The following GALNTL6 variants were observed in gnomAD, a reference collection of about 807,000 sequenced individuals.
GALNTL6 encodes polypeptide N-acetylgalactosaminyltransferase like 6, also known as polypeptide N-acetylgalactosaminyltransferase-like 6.
In GALNTL6, 46 loss-of-function variants were observed where a neutral mutation model predicts 73.7. That is an observed-to-expected ratio of 0.62 (90% CI 0.49 to 0.80). GALNTL6 has a LOEUF of 0.80. Ranked by LOEUF, GALNTL6 falls within the 30% of genes least tolerant of loss-of-function variation. The pLI, the probability that GALNTL6 is intolerant of heterozygous loss-of-function variation, is 0.00. For synonymous variants in GALNTL6, 259 were observed against 263.7 expected, an observed-to-expected ratio of 0.98 and a Z score of 0.17; for missense variants, 604 against 755.0, an observed-to-expected ratio of 0.80 and a Z score of 2.34.
intron 3 of GALNTL6, among the ~76,000 whole-genome samples, chr4:172,273,710 A>T (rs1379885596): frequency 2.0e-5 from 3 of 152,184 alleles, no homozygotes; most frequent in Non-Finnish European, 4.4e-5. Flanking sequence ...GTCATTGGAG[A>T]TATGAAACGA....
At chr4:172,599,209 G>C (rs1269944744) in intron 5 of GALNTL6, among the ~76,000 whole-genome samples, 2 of 152,126 alleles carry the variant, frequency 1.3e-5, no homozygotes, top group Non-Finnish European at 2.9e-5. Flanking sequence ...TAGTTGCAAT[G>C]AATCTGTGAC....
intron 5 of GALNTL6, among the ~76,000 whole-genome samples, chr4:172,786,884 G>A (rs754217479): frequency 6.6e-6 from 1 of 152,150 alleles, no homozygotes; most frequent in East Asian, 1.9e-4. Flanking sequence ...AGTAGACTGA[G>A]CCATGTCAAG....
intron 2 of GALNTL6, among the ~76,000 whole-genome samples, chr4:171,977,399 T>G (rs1739753551): frequency 6.6e-6 from 1 of 152,214 alleles, no homozygotes; most frequent in Admixed American, 6.5e-5. Flanking sequence ...AACAGAATTT[T>G]ATTCTTTCAC....
intron 2 of GALNTL6, among the ~76,000 whole-genome samples, chr4:172,074,206 G>T (rs961748245): frequency 4.6e-5 from 7 of 152,114 alleles, no homozygotes; most frequent in African/African-American, 1.4e-4. Flanking sequence ...TTGACATGAA[G>T]AAAAATTTAG....
At chr4:172,650,757 A>G (rs1292904208) in intron 5 of GALNTL6, among the ~76,000 whole-genome samples, 3 of 152,216 alleles carry the variant, frequency 2.0e-5, no homozygotes, top group Non-Finnish European at 4.4e-5. Flanking sequence ...CAGTATTTCC[A>G]AAAAAGAAAA....
At chr4:172,751,447 C>T (rs570176637) in intron 5 of GALNTL6, among the ~76,000 whole-genome samples, 1 of 152,254 alleles carries the variant, frequency 6.6e-6, no homozygotes, top group Admixed American at 6.5e-5. Flanking sequence ...ATATCACCAA[C>T]TATTTCACTA....
chr4:172,788,419 T>G (rs137960273), intron 5 of GALNTL6, among the ~76,000 whole-genome samples: 26 of 152,046 alleles, frequency 1.7e-4, no homozygotes, highest in African/African-American at 6.0e-4. Context: ...ACACCTGTAA[T>G]CACAGCACTT....
intron 2 of GALNTL6, among the ~76,000 whole-genome samples, chr4:171,924,112 G>A (rs1454072444): frequency 6.6e-6 from 1 of 151,012 alleles, no homozygotes; most frequent in East Asian, 2.0e-4. Context: ...AGGCAAAATG[G>A]TCCCTGCTCT....
At chr4:171,954,349 T>A (rs973980525) in intron 2 of GALNTL6, among the ~76,000 whole-genome samples, 1 of 152,166 alleles carries the variant, frequency 6.6e-6, no homozygotes. Context: ...TAAAAACACA[T>A]AATCATGATG....
At chr4:172,645,739 A>T (rs1186271685) in intron 5 of GALNTL6, among the ~76,000 whole-genome samples, 1 of 151,960 alleles carries the variant, frequency 6.6e-6, no homozygotes, top group Admixed American at 6.6e-5. Context: ...GTAAATGTAT[A>T]TTTTTTATGC....
At position 171,843,115 on chromosome 4, in the gene GALNTL6, G is replaced by C. The variant is rs115218325; in HGVS notation, c.138+28397G>C. Among the ~76,000 whole-genome samples, 624 of 152,168 alleles carry C rather than the reference G, an allele frequency of 4.1e-3. 1 individual carries two copies. Among genetic ancestry groups the C allele is most frequent in the Admixed American group, 7.1e-3 (108 of 15,262 alleles). On this transcript the variant is annotated intron_variant, in intron 2 of 12. Transcript: ENST00000506823. ...TGGTGAGGTGACTGCTAGAATGATG[G>C]AATAATAAAGAAATCTTCTATTAGT...
chr4:172,409,756 A>G (rs950451543), intron 5 of GALNTL6, among the ~76,000 whole-genome samples: 1 of 152,040 alleles, frequency 6.6e-6, no homozygotes, highest in Non-Finnish European at 1.5e-5. Flanking sequence ...GGATATAATT[A>G]AAGCAATTAC....
intron 2 of GALNTL6, among the ~76,000 whole-genome samples, chr4:171,950,168 T>C (rs186341633): frequency 3.3e-5 from 5 of 152,314 alleles, no homozygotes; most frequent in East Asian, 3.9e-4. Flanking sequence ...CATAACTTAA[T>C]AACAGTCAAC....
At chr4:172,578,175 A>C (rs914623568) in intron 5 of GALNTL6, among the ~76,000 whole-genome samples, 1 of 152,202 alleles carries the variant, frequency 6.6e-6, no homozygotes, top group African/African-American at 2.4e-5. Flanking sequence ...ATGCCATAGA[A>C]TGGCTTATTT....
At chr4:171,878,168 G>A (rs1233225010) in intron 2 of GALNTL6, among the ~76,000 whole-genome samples, 1 of 152,152 alleles carries the variant, frequency 6.6e-6, no homozygotes, top group African/African-American at 2.4e-5. Flanking sequence ...TTCAAGATAT[G>A]TCATATCTGG....
At chr4:172,992,705 C>T (rs980727962) in intron 10 of GALNTL6, among the ~76,000 whole-genome samples, 3 of 152,120 alleles carry the variant, frequency 2.0e-5, no homozygotes, top group South Asian at 2.1e-4. Context: ...ATACCTCAAA[C>T]GTCAGTCTTA....
intron 5 of GALNTL6, among the ~76,000 whole-genome samples, chr4:172,660,428 A>G (rs1361066145): frequency 6.6e-6 from 1 of 152,180 alleles, no homozygotes; most frequent in Non-Finnish European, 1.5e-5. Context: ...ATTTCCCTTC[A>G]CAGCTGTCAC....
chr4:171,989,163 G>C (rs559303286), intron 2 of GALNTL6, among the ~76,000 whole-genome samples: 110 of 152,280 alleles, frequency 7.2e-4, no homozygotes, highest in African/African-American at 2.6e-3. Flanking sequence ...TGAAAATAAG[G>C]TAATATGGAG....
At chr4:172,031,190 G>T (rs7693639) in intron 2 of GALNTL6, among the ~76,000 whole-genome samples, 48,498 of 150,366 alleles carry the variant, frequency 0.32, 8,343 homozygotes, top group Middle Eastern at 0.42. Flanking sequence ...ACAACTTGGA[G>T]AATTTCACCT....
Sources: gnomAD v4.1 joint callset for allele counts (sites outside exome capture counted in the v4.1 genomes callset) on GRCh38, gnomAD v4.1.1 for gene constraint, MANE v1.5 for transcripts, NCBI Gene and HGNC (gene_info 2026-07-23, HGNC 2026-07-21) for gene names.